The following ADGRE2 variants were observed in gnomAD, a reference collection of about 807,000 sequenced individuals.
The protein encoded by ADGRE2 is adhesion G protein-coupled receptor E2.
ADGRE2 carries 83 observed loss-of-function variants against 100.8 expected under a neutral mutation model. The observed-to-expected ratio is 0.82, with a 90% CI of 0.69 to 0.99. ADGRE2 has a LOEUF of 0.99. ADGRE2 is among the 50% of genes least tolerant of loss of function. The pLI, the probability that ADGRE2 is intolerant of heterozygous loss-of-function variation, is 0.00. For missense variants in ADGRE2, 814 were observed against 1,035.7 expected (o/e 0.79, Z 2.94); for synonymous variants, 355 against 413.0 (o/e 0.86, Z 1.70).
chr19:14,724,487 C>T, the ADGRE2 span, among the ~76,000 whole-genome samples: 33 of 152,238 alleles, frequency 2.2e-4, no homozygotes, highest in Admixed American at 3.3e-4. Flanking sequence ...TTGTTTAAGC[C>T]GGGCGCAGTG....
intron 14 of ADGRE2, 32 bp downstream of exon 14, chr19:14,754,922 A>G (rs759679980): frequency 2.1e-5 from 33 of 1,602,150 alleles, no homozygotes; most frequent in Non-Finnish European, 2.6e-5. Flanking sequence ...ACGGCAATAA[A>G]TGCAGAGTGC....
intron 14 of ADGRE2, 125 bp from the exon 15 acceptor site, chr19:14,752,651 G>T: frequency 8.3e-7 from 1 of 1,198,258 alleles, no homozygotes; most frequent in Non-Finnish European, 1.2e-6. Context: ...GTAAATTTGT[G>T]AAGATGTCAC....
At position 14,732,881 on chromosome 19, in the gene ADGRE2, T is replaced by A. The variant is rs896178324; in HGVS notation, c.*3355A>T. 6.6e-6 allele frequency: 1 copy of A among 152,230 alleles called. No individual in the cohort carries two copies. Among genetic ancestry groups the A allele is most frequent in the Non-Finnish European group, 1.5e-5 (1 of 68,050 alleles). The allele number at this position is 152,230 out of a possible 1,614,324, so 9.4% of individuals were successfully genotyped here. On this transcript the variant is annotated 3_prime_UTR_variant, in exon 21 of 21. Coordinates refer to ENST00000315576, the MANE Select transcript of ADGRE2 (RefSeq NM_013447.4). ...CTGTTTTCATACCACAGTGGTAGAA[T>A]TGAGTTGCTGTAAATACCTGGCTCA...
rs2042705571 is a variant in ADGRE2 at position 14,733,964 on chromosome 19, G to C, written c.*2272C>G. On this transcript the variant is annotated 3_prime_UTR_variant, in exon 21 of 21. Coordinates refer to ENST00000315576, the MANE Select transcript of ADGRE2 (RefSeq NM_013447.4). The stretch of plus-strand genomic sequence containing the variant: ...AATCAATACTCATTGAGCTTATACG[G>C]ACAGGCACAGAGCAGTGAAAAATGT... 1 of 152,154 alleles carries C rather than the reference G, an allele frequency of 6.6e-6. No homozygotes were observed. The highest frequency in any genetic ancestry group is 2.4e-5 in the African/African-American group (1 of 41,434). 9.4% of individuals were successfully genotyped at this position (152,154 alleles called of 1,614,324 possible).
chr19:14,765,664 A>G lies in ADGRE2; in HGVS notation c.775T>C (p.Cys259Arg), dbSNP rs762888692. Reference sequence around the variant, plus strand: ...TTCTAGGGCCAGGTCATACCTTCACAGACAGTGTCCTTTTGGTTATTCGGG... The same window carrying G: ...TTCTAGGGCCAGGTCATACCTTCACGGACAGTGTCCTTTTGGTTATTCGGG... ...GIPNNQKDTV[C>R]EDMTFSTWTP... The change falls in exon 8 of 21, where the codon TGT becomes CGT. Residue 259 changes from cysteine (C) to arginine (R), a missense_variant. Coordinates refer to ENST00000315576, the MANE Select transcript of ADGRE2 (RefSeq NM_013447.4). The G allele has an allele frequency of 6.2e-7, 1 of 1,613,400 alleles. No homozygotes were observed. The highest frequency in any genetic ancestry group is 8.5e-7 in the Non-Finnish European group (1 of 1,179,550).
In ADGRE2 at chr19:14,749,289, ATAATTATATG is replaced by A. The variant is rs202144144; in HGVS notation, c.2024+2137_2024+2146del. 7.6e-3 allele frequency among the ~76,000 whole-genome samples: 881 copies of A among 116,616 alleles called. 2 individuals are homozygous for A. Among genetic ancestry groups the A allele is most frequent in the African/African-American group, 0.024 (832 of 33,970 alleles). The allele number at this position is 116,616 out of a possible 152,430, so 76.5% of individuals were successfully genotyped here. A position where few individuals can be genotyped will look rare whatever the true frequency, so the allele number is the denominator to read the frequency against. ...TAAGGAAGCATATAATTATGCTTATATAATTATATGTAATTATATATGATATATACATATA... is the reference window on the plus strand; with the variant it reads ...TAAGGAAGCATATAATTATGCTTATATAATTATATATGATATATACATATA... On this transcript the variant is annotated intron_variant, in intron 16 of 20. Coordinates refer to ENST00000315576, the MANE Select transcript of ADGRE2 (RefSeq NM_013447.4).
chr19:14,747,364 G>A (rs1406222758), intron 16 of ADGRE2, among the ~76,000 whole-genome samples: 2 of 152,074 alleles, frequency 1.3e-5, no homozygotes, highest in Non-Finnish European at 2.9e-5. Context: ...GCCGGGTGTG[G>A]TGGCTCACAC....
intron 16 of ADGRE2, among the ~76,000 whole-genome samples, chr19:14,751,166 AGT>A (rs987419167): frequency 6.6e-5 from 10 of 152,156 alleles, no homozygotes; most frequent in African/African-American, 2.4e-4. Context: ...ATTATGACAT[AGT>A]GTCTTTGTCC....
intron 5 of ADGRE2, among the ~76,000 whole-genome samples, chr19:14,770,676 T>TTTC (rs1568623214): frequency 0.022 from 2,535 of 117,204 alleles, 363 homozygotes; most frequent in African/African-American, 0.071. Context: ...TTTCTTTTTT[T>TTTC]TTTTTTTTTT....
the ADGRE2 span, among the ~76,000 whole-genome samples, chr19:14,726,818 G>C: frequency 6.6e-6 from 1 of 151,984 alleles, no homozygotes; most frequent in Non-Finnish European, 1.5e-5. Context: ...CCAGTATTTT[G>C]GTCACAACCC....
rs537283205 is a variant in ADGRE2, at chr19:14,765,397, T to C, written c.829A>G (p.Thr277Ala). 2 of 1,614,128 alleles carry C rather than the reference T, an allele frequency of 1.2e-6. No individual in the cohort carries two copies. Among genetic ancestry groups the C allele is most frequent in the Admixed American group, 1.7e-5 (1 of 60,022 alleles). Residue 277 changes from threonine (T) to alanine (A), a missense_variant and splice_region_variant, in exon 10 of 21, where the codon ACG becomes GCG. Physicochemically the swap from Thr to Ala is moderately conservative, Grantham distance 58. Around this residue, in one of 5 missense-constraint regions of ADGRE2, gnomAD observed 569 missense variants for 692.7 expected, o/e 0.82. Coordinates refer to ENST00000315576, the MANE Select transcript of ADGRE2 (RefSeq NM_013447.4). ...ACTTTGTCGAAGAATCGGGAAAGCG[T>C]CTGCAGAGAGAGGAGATGTGGGGGT... ...WTPPPGVHSQ[T>A]LSRFFDKVQD...
intron 11 of ADGRE2, among the ~76,000 whole-genome samples, chr19:14,763,743 C>CCCT: frequency 2.0e-4 from 1 of 4,982 alleles, no homozygotes; most frequent in Non-Finnish European, 4.4e-4. Flanking sequence ...CTCCTCCATT[C>CCCT]CTCCTCCTTC....
intron 20 of ADGRE2, 78 bp from the exon 21 acceptor site, chr19:14,736,322 C>T (rs375992392): frequency 3.7e-5 from 35 of 951,276 alleles, no homozygotes; most frequent in East Asian, 3.3e-4. Flanking sequence ...AGTGCAATGG[C>T]GCAGCCTCGA....
chr19:14,737,039 A>T (rs2042779253), intron 20 of ADGRE2, among the ~76,000 whole-genome samples: 1 of 139,562 alleles, frequency 7.2e-6, no homozygotes, highest in Non-Finnish European at 1.6e-5. Context: ...AAAAATAAGT[A>T]ACTATGTGAG....
downstream of ADGRE2, chr19:14,731,214 C>A: frequency 6.5e-7 from 1 of 1,532,296 alleles, no homozygotes; most frequent in African/African-American, 1.4e-5. Context: ...ATCCAGTACT[C>A]TCTTGCATGT....
At position 14,777,372 on chromosome 19, in the gene ADGRE2, G is replaced by A. The variant is rs2044479827; in HGVS notation, c.-171-445C>T. ...AGGCCAGGTACAGAGGCTCACGCCTGTGATCCCAGCACTCTGGGAGGGCGA... is the reference window on the plus strand; with the variant it reads ...AGGCCAGGTACAGAGGCTCACGCCTATGATCCCAGCACTCTGGGAGGGCGA... On this transcript the variant is annotated intron_variant, in intron 1 of 20. Coordinates refer to ENST00000315576, the MANE Select transcript of ADGRE2 (RefSeq NM_013447.4). Among the ~76,000 whole-genome samples, 5 of 152,372 alleles carry A rather than the reference G, an allele frequency of 3.3e-5. No individual in the cohort carries two copies. In the South Asian group the frequency reaches 1.0e-3, roughly 32 times the overall value.
intron 11 of ADGRE2, among the ~76,000 whole-genome samples, chr19:14,759,505 T>TATATATATATATATATATATATATA (rs60321111): frequency 3.3e-5 from 2 of 61,406 alleles, no homozygotes; most frequent in African/African-American, 1.2e-4. Context: ...ATATATATAT[T>TATATATATATATATATATATATATA]TTTTTTTTTT....
chr19:14,763,236 G>C (rs769837475), intron 11 of ADGRE2, among the ~76,000 whole-genome samples: 5 of 151,870 alleles, frequency 3.3e-5, no homozygotes, highest in African/African-American at 7.3e-5. Context: ...CCAGCTACTC[G>C]GGAGGCTGAG....
intron 11 of ADGRE2, among the ~76,000 whole-genome samples, chr19:14,758,803 T>C (rs12327768): frequency 0.016 from 2,321 of 144,616 alleles, 61 homozygotes; most frequent in African/African-American, 0.056. Flanking sequence ...GAGAATGGCG[T>C]GACCCCGGGA....
Sources: gnomAD v4.1 joint callset for allele counts (sites outside exome capture counted in the v4.1 genomes callset) on GRCh38, gnomAD v4.1.1 for gene constraint, gnomAD v4.1.1 regional missense constraint, MANE v1.5 for transcripts, NCBI Gene and HGNC (gene_info 2026-07-23, HGNC 2026-07-21) for gene names.